ROBO2: variants seen among roughly 807,000 people sequenced by gnomAD.
ROBO2 encodes roundabout guidance receptor 2.
Under a neutral mutation model 160.8 loss-of-function variants are expected in ROBO2, and 53 were observed. The observed-to-expected ratio is 0.33, with a 90% confidence interval of 0.26 to 0.41. The LOEUF is 0.41. Among genes scored for constraint, ROBO2 ranks in the 10% least tolerant of loss-of-function variants. The pLI, the probability that ROBO2 is intolerant of heterozygous loss-of-function variation, is 1.00. For synonymous variants in ROBO2, 664 were observed against 611.7 expected, an observed-to-expected ratio of 1.09 and a Z score of -1.26; for missense variants, 1,577 against 1,722.4, an observed-to-expected ratio of 0.92 and a Z score of 1.49.
intron 2 of ROBO2, among the ~76,000 whole-genome samples, chr3:77,469,103 T>A (rs71322801): frequency 1.3e-5 from 2 of 152,206 alleles, no homozygotes; most frequent in Admixed American, 1.3e-4. Flanking sequence ...TTATCAGTTG[T>A]TTAGTCATTA....
chr3:76,988,603 G>A (rs2060507984), intron 2 of ROBO2, among the ~76,000 whole-genome samples: 1 of 151,974 alleles, frequency 6.6e-6, no homozygotes, highest in African/African-American at 2.4e-5. Flanking sequence ...ACCTTTCTCT[G>A]AGTTATTTTG....
chr3:77,236,594 C>G (rs926269966), intron 2 of ROBO2, among the ~76,000 whole-genome samples: 7 of 152,140 alleles, frequency 4.6e-5, no homozygotes, highest in African/African-American at 1.4e-4. Flanking sequence ...GGTTGGTAGG[C>G]ATTCTATGGA....
chr3:77,267,597 G>T (rs1203036228), intron 2 of ROBO2, among the ~76,000 whole-genome samples: 1 of 152,310 alleles, frequency 6.6e-6, no homozygotes, highest in South Asian at 2.1e-4. Context: ...ATGGGTTGGC[G>T]TATGGGGCAG....
intron 2 of ROBO2, among the ~76,000 whole-genome samples, chr3:76,794,192 T>C (rs1209179030): frequency 6.6e-6 from 1 of 151,760 alleles, no homozygotes; most frequent in Non-Finnish European, 1.5e-5. Flanking sequence ...AGGAAAAAAT[T>C]ATGGAAAAAA....
Position 77,144,500 on chromosome 3 carries a change from T to G in ROBO2, c.388+46160T>G, listed in dbSNP as rs559301080. 2.5e-4 allele frequency among the ~76,000 whole-genome samples: 38 copies of G among 152,360 alleles called. 1 individual carries two copies. The highest frequency in any genetic ancestry group is 7.9e-4 in the African/African-American group (33 of 41,578). ...TTGCAGTATGTTCTTCTTAAAATAA[T>G]ACATTTTGATTTGTCTCAACTATAT... On this transcript the variant is annotated intron_variant, in intron 2 of 25. Coordinates refer to ENST00000461745, the Ensembl canonical transcript of ROBO2.
intron 16 of ROBO2, among the ~76,000 whole-genome samples, chr3:77,581,439 G>A (rs185661572): frequency 3.4e-4 from 51 of 152,146 alleles, no homozygotes; most frequent in African/African-American, 1.2e-3. Flanking sequence ...GCTTTTATGC[G>A]GAGGTCTATA....
intron 2 of ROBO2, among the ~76,000 whole-genome samples, chr3:76,538,026 G>T (rs1002381137): frequency 3.9e-5 from 6 of 152,012 alleles, no homozygotes; most frequent in African/African-American, 1.4e-4. Flanking sequence ...AGGAACTGGG[G>T]TTTCACTTCT....
chr3:77,396,737 T>A (rs531031425), intron 2 of ROBO2, among the ~76,000 whole-genome samples: 12 of 152,094 alleles, frequency 7.9e-5, no homozygotes, highest in Non-Finnish European at 1.5e-4. Context: ...AATCTTGCAA[T>A]TAGTCAGTCA....
At chr3:76,075,261 G>A (rs1287414397) in intron 2 of ROBO2, among the ~76,000 whole-genome samples, 1 of 151,772 alleles carries the variant, frequency 6.6e-6, no homozygotes, top group Non-Finnish European at 1.5e-5. Context: ...GCTGAGAGTG[G>A]CCAGGGGAGG....
At chr3:76,965,926 T>A (rs1371439937) in intron 2 of ROBO2, among the ~76,000 whole-genome samples, 1 of 144,994 alleles carries the variant, frequency 6.9e-6, no homozygotes, top group African/African-American at 2.5e-5. Context: ...ATTTTCTTTT[T>A]TTTTTTTTTT....
Position 76,985,439 on chromosome 3 carries a change from G to A in ROBO2, c.110-112575G>A, listed in dbSNP as rs574028015. Among the ~76,000 whole-genome samples the A allele has an allele frequency of 2.6e-5, 4 of 151,356 alleles. No homozygotes were observed. In the South Asian group the frequency reaches 6.3e-4, roughly 24 times the overall value. ...CTACTAAAAATACAAAAAATTAGCC[G>A]GGCGTGGTGGCAGGTGCCTGTAGTC... On this transcript the variant is annotated intron_variant, in intron 2 of 26. Transcript: ENST00000487694.
rs141360967 is a variant in ROBO2, at chr3:76,136,673, T to C, written c.109+199071T>C. On this transcript the variant is annotated intron_variant, in intron 2 of 26. Transcript: ENST00000487694. ...AGCCTGTGAAGGATTCATTACAACT[T>C]CAAAATATTTAATAAAATATAGACC... 9.4e-3 allele frequency among the ~76,000 whole-genome samples: 1,428 copies of C among 152,024 alleles called. 25 individuals are homozygous for C. Among genetic ancestry groups the C allele is most frequent in the African/African-American group, 0.033 (1,377 of 41,486 alleles).
intron 2 of ROBO2, among the ~76,000 whole-genome samples, chr3:76,520,260 G>C (rs1309144131): frequency 6.6e-6 from 1 of 152,130 alleles, no homozygotes; most frequent in Non-Finnish European, 1.5e-5. Flanking sequence ...ATACCAGCCT[G>C]GCCAACATGG....
intron 1 of ROBO2, among the ~76,000 whole-genome samples, chr3:77,055,044 A>T (rs2065602180): frequency 2.0e-5 from 3 of 151,934 alleles, no homozygotes; most frequent in Admixed American, 2.0e-4. Context: ...TTATGGTGCA[A>T]CAATAAGTAG....
intron 21 of ROBO2, among the ~76,000 whole-genome samples, chr3:77,610,599 A>C (rs1042686910): frequency 7.2e-5 from 11 of 152,110 alleles, no homozygotes; most frequent in African/African-American, 2.7e-4. Flanking sequence ...TGAGCCAAAA[A>C]TAAGGACAAA....
intron 2 of ROBO2, among the ~76,000 whole-genome samples, chr3:76,336,981 T>TA (rs915714744): frequency 5.3e-5 from 8 of 151,772 alleles, no homozygotes; most frequent in Non-Finnish European, 8.8e-5. Context: ...ATTGGGTATT[T>TA]AAAAAAAACC....
intron 2 of ROBO2, among the ~76,000 whole-genome samples, chr3:77,369,085 A>G (rs1462870726): frequency 2.6e-5 from 4 of 152,188 alleles, no homozygotes; most frequent in Non-Finnish European, 5.9e-5. Context: ...TGTTCATTCA[A>G]GAAAAGCCAG....
intron 2 of ROBO2, among the ~76,000 whole-genome samples, chr3:76,664,540 G>A (rs772773256): frequency 6.6e-6 from 1 of 152,288 alleles, no homozygotes; most frequent in Non-Finnish European, 1.5e-5. Context: ...TGGGACAGAG[G>A]TTTAAAGTAG....
At chr3:76,390,374 T>A (rs920072390) in intron 2 of ROBO2, among the ~76,000 whole-genome samples, 1 of 152,116 alleles carries the variant, frequency 6.6e-6, no homozygotes, top group Non-Finnish European at 1.5e-5. Context: ...TCTGTATGTA[T>A]TTGCATTTAT....
Sources: gnomAD v4.1 joint callset for allele counts (sites outside exome capture counted in the v4.1 genomes callset) on GRCh38, gnomAD v4.1.1 for gene constraint, MANE v1.5 for transcripts, NCBI Gene and HGNC (gene_info 2026-07-23, HGNC 2026-07-21) for gene names.